Variants in CMTM8 observed in about 807,000 individuals in gnomAD.
CMTM8 encodes the protein CKLF like MARVEL transmembrane domain containing 8.
CMTM8 carries 12 observed loss-of-function variants against 18.6 expected under a neutral mutation model. The observed-to-expected ratio is 0.65, with a 90% CI of 0.41 to 1.05. The LOEUF is 1.05. CMTM8 is among the 50% of genes least tolerant of loss of function. The pLI is 0.00. For synonymous variants in CMTM8, 87 were observed against 90.6 expected (o/e 0.96, Z 0.23); for missense variants, 217 against 227.2 (o/e 0.95, Z 0.29).
Position 32,241,632 on chromosome 3 carries a change from G to T in CMTM8, c.147+2513G>T, listed in dbSNP as rs1457495450. On this transcript the variant is annotated intron_variant, in intron 1 of 3. Transcript: ENST00000307526. Reference sequence around the variant, plus strand: ...AGCTATGATGTTTGGTAGGCTAGGGGTATTAAATGCATTTTTGACTTCGGA... The same window carrying T: ...AGCTATGATGTTTGGTAGGCTAGGGTTATTAAATGCATTTTTGACTTCGGA... 2.6e-5 allele frequency among the ~76,000 whole-genome samples: 4 copies of T among 152,168 alleles called. No individual in the cohort carries two copies. The East Asian group carries it at 7.7e-4, about 29-fold the overall frequency.
intron 1 of CMTM8, among the ~76,000 whole-genome samples, chr3:32,282,821 T>C (rs1702627666): frequency 6.6e-6 from 1 of 152,196 alleles, no homozygotes; most frequent in African/African-American, 2.4e-5. Context: ...CTTGCTGCTT[T>C]TGTGACACAG....
intron 1 of CMTM8, among the ~76,000 whole-genome samples, chr3:32,300,266 C>A (rs1347385172): frequency 6.6e-6 from 1 of 152,224 alleles, no homozygotes; most frequent in Non-Finnish European, 1.5e-5. Context: ...GGACTCTCTG[C>A]AGCATAATTT....
chr3:32,318,212 C>T (rs1159633232), intron 1 of CMTM8, among the ~76,000 whole-genome samples: 1 of 152,048 alleles, frequency 6.6e-6, no homozygotes, highest in African/African-American at 2.4e-5. Context: ...CATTGTCCAC[C>T]TCTAGAGAGT....
chr3:32,361,288 T>TTTTTTTTTGTTTTTTTTTTTTG (rs1278506563), intron 2 of CMTM8, among the ~76,000 whole-genome samples: 3 of 147,206 alleles, frequency 2.0e-5, no homozygotes, highest in Non-Finnish European at 4.5e-5. Context: ...GCCTAAGAGT[T>TTTTTTTTTGTTTTTTTTTTTTG]TTTTTTTCTT....
chr3:32,322,086 C>T (rs1278559429), intron 1 of CMTM8, among the ~76,000 whole-genome samples: 1 of 152,198 alleles, frequency 6.6e-6, no homozygotes, highest in East Asian at 1.9e-4. Flanking sequence ...GAATTCCCTT[C>T]TCATGGGAGT....
chr3:32,341,560 A>G (rs1452173248), intron 1 of CMTM8, among the ~76,000 whole-genome samples: 1 of 152,180 alleles, frequency 6.6e-6, no homozygotes, highest in Non-Finnish European at 1.5e-5. Context: ...TACTTACGGC[A>G]TGATGTTGAT....
At chr3:32,315,421 CG>C (rs1695907863) in intron 1 of CMTM8, among the ~76,000 whole-genome samples, 1 of 152,186 alleles carries the variant, frequency 6.6e-6, no homozygotes, top group Non-Finnish European at 1.5e-5. Flanking sequence ...TGAGCTACCA[CG>C]CCCAGCCCTG....
chr3:32,288,898 T>A (rs1702732279), intron 1 of CMTM8, among the ~76,000 whole-genome samples: 1 of 152,176 alleles, frequency 6.6e-6, no homozygotes, highest in Non-Finnish European at 1.5e-5. Context: ...CATTAGCTCA[T>A]TTTCATGGTG....
chr3:32,269,002 T>C (rs574164219), intron 1 of CMTM8, among the ~76,000 whole-genome samples: 27 of 152,336 alleles, frequency 1.8e-4, no homozygotes, highest in African/African-American at 4.8e-4. Context: ...AATTTAGGTT[T>C]TAAAGGATGC....
Position 32,326,716 on chromosome 3 carries a change from G to A in CMTM8, c.148-30657G>A, listed in dbSNP as rs146920463. On this transcript the variant is annotated intron_variant, in intron 1 of 3. Coordinates refer to ENST00000307526, the MANE Select transcript of CMTM8 (RefSeq NM_178868.5). ...TTTTTAGTAGAGACGGGGTTTCACC[G>A]TGTTGGCCAGGCTGGTCTCAAACTC... Among the ~76,000 whole-genome samples the A allele has an allele frequency of 9.6e-3, 1,460 of 151,796 alleles. 40 individuals are homozygous for A. The highest frequency in any genetic ancestry group is 0.065 in the Admixed American group (998 of 15,256).
rs538246725 is a variant in CMTM8 at position 32,291,794 on chromosome 3, CTA to C, written c.147+52676_147+52677del. ...GTGTATGGTCTGTTAAGCCTATGAT[CTA>C]GGTACTGTATGGCTGGGTCCCAAGC... On this transcript the variant is annotated intron_variant, in intron 1 of 3. Transcript: ENST00000307526. 1.6e-4 allele frequency among the ~76,000 whole-genome samples: 25 copies of C among 152,336 alleles called. No homozygotes were observed. The East Asian group carries it at 4.6e-3, about 28-fold the overall frequency.
intron 1 of CMTM8, among the ~76,000 whole-genome samples, chr3:32,276,965 G>A (rs917581357): frequency 1.2e-4 from 18 of 151,826 alleles, no homozygotes; most frequent in African/African-American, 4.4e-4. Flanking sequence ...ATAGTGCCCT[G>A]CATCCTTGAA....
chr3:32,356,549 A>G (rs1043313609), intron 1 of CMTM8, among the ~76,000 whole-genome samples: 3 of 152,192 alleles, frequency 2.0e-5, no homozygotes, highest in African/African-American at 7.2e-5. Context: ...GACTATTGCT[A>G]GGGTAAATGC....
chr3:32,266,988 A>G (rs1202664500), intron 1 of CMTM8, among the ~76,000 whole-genome samples: 2 of 152,288 alleles, frequency 1.3e-5, no homozygotes, highest in East Asian at 1.9e-4. Flanking sequence ...ATGCTCATGG[A>G]TAGGAAGAAT....
chr3:32,351,538 T>C (rs1238689665), intron 1 of CMTM8, among the ~76,000 whole-genome samples: 2 of 151,920 alleles, frequency 1.3e-5, no homozygotes, highest in African/African-American at 4.8e-5. Context: ...CGAGACCTCA[T>C]CTCTACAAAG....
At chr3:32,351,371 G>T (rs1201392411) in intron 1 of CMTM8, among the ~76,000 whole-genome samples, 1 of 152,154 alleles carries the variant, frequency 6.6e-6, no homozygotes, top group Non-Finnish European at 1.5e-5. Context: ...CTTCTGTTGA[G>T]AATGACCTTG....
intron 1 of CMTM8, among the ~76,000 whole-genome samples, chr3:32,276,877 C>G (rs1183968042): frequency 6.6e-6 from 1 of 151,588 alleles, no homozygotes; most frequent in Non-Finnish European, 1.5e-5. Context: ...TAATATCTAG[C>G]CCTGTCTCCT....
At chr3:32,305,840 A>G (rs955953165) in intron 1 of CMTM8, among the ~76,000 whole-genome samples, 2 of 152,186 alleles carry the variant, frequency 1.3e-5, no homozygotes, top group Non-Finnish European at 2.9e-5. Context: ...TTAATTTTGC[A>G]TGTTTTTAAA....
intron 1 of CMTM8, among the ~76,000 whole-genome samples, chr3:32,267,474 G>A (rs984922643): frequency 4.6e-5 from 7 of 152,122 alleles, no homozygotes; most frequent in South Asian, 4.1e-4. Flanking sequence ...AGACTTAAAT[G>A]TTAGGCCTAA....
Sources: gnomAD v4.1 joint callset for allele counts (sites outside exome capture counted in the v4.1 genomes callset) on GRCh38, gnomAD v4.1.1 for gene constraint, MANE v1.5 for transcripts, NCBI Gene and HGNC (gene_info 2026-07-23, HGNC 2026-07-21) for gene names.